CNTNAP2: variants seen among roughly 807,000 people sequenced by gnomAD.
The protein encoded by CNTNAP2 is contactin associated protein 2, also known as contactin-associated protein-like 2.
Under a neutral mutation model 155.2 loss-of-function variants are expected in CNTNAP2, and 98 were observed. The ratio of observed to expected loss-of-function variants is 0.63; its 90% CI spans 0.54 to 0.75. CNTNAP2 has a LOEUF of 0.75. CNTNAP2 is among the 30% of genes least tolerant of loss of function. The pLI is 0.00. For synonymous variants in CNTNAP2, 651 were observed against 631.2 expected, an observed-to-expected ratio of 1.03 and a Z score of -0.47; for missense variants, 1,727 against 1,688.1, an observed-to-expected ratio of 1.02 and a Z score of -0.40.
At chr7:146,516,517 T>C (rs538566525) in intron 1 of CNTNAP2, among the ~76,000 whole-genome samples, 2 of 152,134 alleles carry the variant, frequency 1.3e-5, no homozygotes, top group African/African-American at 2.4e-5. Flanking sequence ...TTTGCGGCAG[T>C]ATTGAATTTT....
chr7:146,540,064 G>A (rs1335461048), intron 1 of CNTNAP2, among the ~76,000 whole-genome samples: 1 of 151,998 alleles, frequency 6.6e-6, no homozygotes, highest in Admixed American at 6.6e-5. Context: ...ACTGGATAAG[G>A]CCAGGCAGAG....
chr7:147,810,368 C>T (rs1798160664), intron 13 of CNTNAP2, among the ~76,000 whole-genome samples: 1 of 151,668 alleles, frequency 6.6e-6, no homozygotes, highest in Non-Finnish European at 1.5e-5. Flanking sequence ...TACTTTCTCC[C>T]TTATTTTCAC....
intron 4 of CNTNAP2, among the ~76,000 whole-genome samples, chr7:147,094,739 A>T (rs1183844530): frequency 6.6e-6 from 1 of 152,046 alleles, no homozygotes; most frequent in East Asian, 1.9e-4. Context: ...GCCCATGGCC[A>T]TGCTCCAAAA....
At chr7:147,510,155 G>C (rs553895610) in intron 11 of CNTNAP2, among the ~76,000 whole-genome samples, 25 of 152,236 alleles carry the variant, frequency 1.6e-4, no homozygotes, top group African/African-American at 5.5e-4. Context: ...TTCTCTCTTA[G>C]CCTTTCTATC....
chr7:146,344,392 G>A (rs1234702030), intron 1 of CNTNAP2, among the ~76,000 whole-genome samples: 1 of 151,730 alleles, frequency 6.6e-6, no homozygotes, highest in Non-Finnish European at 1.5e-5. Context: ...TTTCTCATAT[G>A]TATCTTAAAA....
At chr7:147,083,966 A>G (rs990249984) in intron 4 of CNTNAP2, among the ~76,000 whole-genome samples, 4 of 138,916 alleles carry the variant, frequency 2.9e-5, no homozygotes, top group Non-Finnish European at 6.0e-5. Context: ...ATAGCATTAT[A>G]TATGTGTATA....
chr7:146,864,504 T>C (rs371886715), intron 3 of CNTNAP2, among the ~76,000 whole-genome samples: 1 of 152,158 alleles, frequency 6.6e-6, no homozygotes, highest in Non-Finnish European at 1.5e-5. Flanking sequence ...TAGAATATTA[T>C]TGATTTTTGA....
chr7:146,599,833 A>C (rs1363940706), intron 1 of CNTNAP2, among the ~76,000 whole-genome samples: 1 of 88,508 alleles, frequency 1.1e-5, no homozygotes, highest in Admixed American at 8.8e-5. Flanking sequence ...TGCCTAGAAT[A>C]TAAGACACTA....
chr7:146,950,504 C>G (rs1477910711), intron 3 of CNTNAP2, among the ~76,000 whole-genome samples: 2 of 152,076 alleles, frequency 1.3e-5, no homozygotes, highest in Non-Finnish European at 2.9e-5. Context: ...TCCGTGTGTT[C>G]TCAGTGTTTA....
At chr7:147,168,137 A>G (rs150598268) in intron 8 of CNTNAP2, among the ~76,000 whole-genome samples, 2,668 of 149,258 alleles carry the variant, frequency 0.018, 65 homozygotes, top group African/African-American at 0.061. Context: ...ATGTATTTCT[A>G]TATCTAATGT....
At chr7:147,077,858 C>G (rs75129742) in intron 4 of CNTNAP2, among the ~76,000 whole-genome samples, 6 of 152,010 alleles carry the variant, frequency 3.9e-5, no homozygotes, top group African/African-American at 1.5e-4. Flanking sequence ...AAATGTAATA[C>G]GTATGCAATT....
At chr7:146,745,898 G>A (rs1801802470) in intron 1 of CNTNAP2, among the ~76,000 whole-genome samples, 2 of 152,194 alleles carry the variant, frequency 1.3e-5, no homozygotes, top group Admixed American at 1.3e-4. Context: ...TAGAAAGGGT[G>A]CATGTATCTT....
At chr7:147,956,519 C>T (rs191841475) in intron 14 of CNTNAP2, among the ~76,000 whole-genome samples, 3 of 152,320 alleles carry the variant, frequency 2.0e-5, no homozygotes, top group Non-Finnish European at 4.4e-5. Context: ...GAGAGCTTCA[C>T]TGTGTTCAGC....
chr7:146,710,804 T>A (rs1462730230), intron 1 of CNTNAP2, among the ~76,000 whole-genome samples: 1 of 152,104 alleles, frequency 6.6e-6, no homozygotes, highest in African/African-American at 2.4e-5. Context: ...TGAAAACTTT[T>A]AAAATTATGT....
chr7:146,822,247 C>T (rs1358145808), intron 2 of CNTNAP2, among the ~76,000 whole-genome samples: 3 of 152,020 alleles, frequency 2.0e-5, no homozygotes, highest in African/African-American at 4.8e-5. Context: ...CACATGTTCT[C>T]ACTCATATGT....
At chr7:146,416,089 A>G (rs1276738011) in intron 1 of CNTNAP2, among the ~76,000 whole-genome samples, 1 of 151,940 alleles carries the variant, frequency 6.6e-6, no homozygotes, top group Non-Finnish European at 1.5e-5. Flanking sequence ...TTATTATTGC[A>G]TGAAAATGGA....
At chr7:148,282,458 T>C (rs1260065274) in intron 21 of CNTNAP2, among the ~76,000 whole-genome samples, 1 of 152,210 alleles carries the variant, frequency 6.6e-6, no homozygotes, top group East Asian at 1.9e-4. Context: ...GTAGTGCCAA[T>C]ATCATAAGCT....
chr7:148,168,380 C>A (rs571856959), intron 17 of CNTNAP2, among the ~76,000 whole-genome samples: 5 of 151,986 alleles, frequency 3.3e-5, no homozygotes, highest in African/African-American at 1.2e-4. Context: ...TACTACGCAG[C>A]CATAAAAAAT....
chr7:148,243,408 A>G (rs901761350), intron 20 of CNTNAP2, among the ~76,000 whole-genome samples: 1 of 152,126 alleles, frequency 6.6e-6, no homozygotes, highest in African/African-American at 2.4e-5. Flanking sequence ...GTATTAGTCC[A>G]TTTTCACGCT....
Sources: allele counts gnomAD v4.1 joint callset (sites outside exome capture counted in the v4.1 genomes callset), GRCh38; gene constraint gnomAD v4.1.1; transcripts MANE v1.5; gene names NCBI Gene and HGNC (gene_info 2026-07-23, HGNC 2026-07-21).